ORC3: variants seen among roughly 807,000 people sequenced by gnomAD.
ORC3 encodes the protein homolog of latheo, Drosophila.
Under a neutral mutation model 100.7 loss-of-function variants are expected in ORC3, and 78 were observed. That is an observed-to-expected ratio of 0.77 (90% CI 0.65 to 0.94). The LOEUF is 0.94. Ranked by LOEUF, ORC3 falls within the 40% of genes least tolerant of loss-of-function variation. The pLI, the probability that ORC3 is intolerant of heterozygous loss-of-function variation, is 0.00. For synonymous variants in ORC3, 295 were observed against 289.3 expected (o/e 1.02, Z -0.20); for missense variants, 789 against 823.9 (o/e 0.96, Z 0.52).
chr6:87,599,309 T>G (rs959020213), intron 2 of ORC3, among the ~76,000 whole-genome samples: 5 of 152,110 alleles, frequency 3.3e-5, no homozygotes, highest in Non-Finnish European at 7.4e-5. Flanking sequence ...ACTATTTTTG[T>G]TCTTTTTAAA....
chr6:87,601,290 A>G (rs1450333601), intron 2 of ORC3, among the ~76,000 whole-genome samples: 1 of 152,228 alleles, frequency 6.6e-6, no homozygotes, highest in African/African-American at 2.4e-5. Flanking sequence ...TATGCCATAA[A>G]TATGGTAAAA....
At chr6:87,647,919 G>A (rs1221431758) in intron 13 of ORC3, among the ~76,000 whole-genome samples, 1 of 152,206 alleles carries the variant, frequency 6.6e-6, no homozygotes, top group Non-Finnish European at 1.5e-5. Context: ...AAAGTGCTTT[G>A]ATGGCCGCAG....
At chr6:87,632,258 A>G (rs1767483969) in intron 11 of ORC3, among the ~76,000 whole-genome samples, 2 of 152,376 alleles carry the variant, frequency 1.3e-5, no homozygotes, top group African/African-American at 4.8e-5. Flanking sequence ...CTTAGAGGAC[A>G]TGTTATAAGA....
At chr6:87,648,779 A>G (rs1221289354) in intron 13 of ORC3, among the ~76,000 whole-genome samples, 1 of 152,198 alleles carries the variant, frequency 6.6e-6, no homozygotes. Flanking sequence ...TCACTATATA[A>G]TATCATGTTT....
rs374777350 is a variant in ORC3, at chr6:87,664,198, G to C, written c.1834-545G>C. 9.9e-4 allele frequency among the ~76,000 whole-genome samples: 150 copies of C among 152,104 alleles called. 4 individuals are homozygous for C. The South Asian group carries it at 0.03, about 30-fold the overall frequency. On this transcript the variant is annotated intron_variant, in intron 17 of 19. Coordinates refer to ENST00000392844, the MANE Select transcript of ORC3 (RefSeq NM_012381.4). ...ATATTATAATATCAGAGCAGGGTGT[G>C]TATGTAAGACTTTGTGTTTCTCAGT...
At chr6:87,607,638 C>G in intron 5 of ORC3, 35 bp from the exon 6 acceptor site, 2 of 1,517,680 alleles carry the variant, frequency 1.3e-6, no homozygotes, top group South Asian at 1.3e-5. Context: ...TTAGAAGAGG[C>G]AGAGATAAGC....
intron 5 of ORC3, among the ~76,000 whole-genome samples, chr6:87,606,850 G>A (rs1322734065): frequency 6.6e-6 from 1 of 152,084 alleles, no homozygotes; most frequent in Non-Finnish European, 1.5e-5. Context: ...ACCATGCCTG[G>A]CCCTAATGTG....
downstream of ORC3, among the ~76,000 whole-genome samples, chr6:87,672,351 T>C (rs1436748038): frequency 2.0e-5 from 3 of 152,136 alleles, no homozygotes; most frequent in African/African-American, 7.2e-5. Context: ...TATTATGCTT[T>C]TGGAAATGAT....
downstream of ORC3, among the ~76,000 whole-genome samples, chr6:87,669,485 CATAGAAAGCAACTGGACAA>C (rs1403911108): frequency 2.0e-5 from 3 of 152,198 alleles, no homozygotes; most frequent in Admixed American, 1.3e-4. Flanking sequence ...CCACTACTAC[CATAGAAAGCAACTGGACAA>C]ATAGAAGCCT....
chr6:87,632,435 CCTT>C (rs1195458795), intron 11 of ORC3, among the ~76,000 whole-genome samples: 2 of 152,126 alleles, frequency 1.3e-5, no homozygotes, highest in African/African-American at 4.8e-5. Context: ...GTACAGCAAA[CCTT>C]CTCTCATTCG....
At position 87,597,678 on chromosome 6, in the gene ORC3, TATAC is replaced by T. The variant is rs759964889; in HGVS notation, c.79+3273_79+3276del. ...TTTTTTTTAAGTAATGATATATATA[TATAC>T]ACACACACACACACACACACACACA... On this transcript the variant is annotated intron_variant, in intron 2 of 19. Transcript: ENST00000392844. Among the ~76,000 whole-genome samples, 602 of 136,716 alleles carry T rather than the reference TATAC, an allele frequency of 4.4e-3. 3 individuals are homozygous for T. The highest frequency in any genetic ancestry group is 0.014 in the East Asian group (68 of 4,792). The allele number at this position is 136,716 out of a possible 152,430, so 89.7% of individuals were successfully genotyped here.
intron 2 of ORC3, among the ~76,000 whole-genome samples, chr6:87,594,911 G>A (rs1777321391): frequency 6.6e-6 from 1 of 152,138 alleles, no homozygotes; most frequent in African/African-American, 2.4e-5. Flanking sequence ...AATGAAAATT[G>A]TATAAAAATT....
At chr6:87,662,522 A>G (rs139276118) in intron 16 of ORC3, among the ~76,000 whole-genome samples, 1 of 152,322 alleles carries the variant, frequency 6.6e-6, no homozygotes, top group East Asian at 1.9e-4. Context: ...CTGTGATCCA[A>G]GAAGAATTTC....
chr6:87,644,992 G>A (rs1768643222), intron 13 of ORC3, among the ~76,000 whole-genome samples: 1 of 152,134 alleles, frequency 6.6e-6, no homozygotes, highest in African/African-American at 2.4e-5. Flanking sequence ...ATGACTTCCA[G>A]GTGCTTCCCA....
At chr6:87,593,463 T>A (rs983465028) in intron 1 of ORC3, among the ~76,000 whole-genome samples, 3 of 152,194 alleles carry the variant, frequency 2.0e-5, no homozygotes, top group Non-Finnish European at 4.4e-5. Context: ...TACTGAGAGA[T>A]CTCGAGGAAA....
At chr6:87,660,498 T>G (rs999327582) in intron 16 of ORC3, among the ~76,000 whole-genome samples, 13 of 152,162 alleles carry the variant, frequency 8.5e-5, no homozygotes, top group Non-Finnish European at 1.5e-4. Flanking sequence ...TGGGCAGAGC[T>G]TGGAGTTATG....
chr6:87,662,423 A>G (rs1770256785), intron 16 of ORC3, among the ~76,000 whole-genome samples: 1 of 151,868 alleles, frequency 6.6e-6, no homozygotes, highest in African/African-American at 2.4e-5. Flanking sequence ...CAAGAGTGAA[A>G]CTCCGTCTCA....
chr6:87,615,327 G>A (rs573646233), intron 8 of ORC3, among the ~76,000 whole-genome samples: 53 of 152,238 alleles, frequency 3.5e-4, no homozygotes, highest in Non-Finnish European at 7.5e-4. Flanking sequence ...GATTTGGGTG[G>A]GGACACAGCC....
At chr6:87,612,817 A>G (rs986639261) in intron 8 of ORC3, among the ~76,000 whole-genome samples, 15 of 152,188 alleles carry the variant, frequency 9.9e-5, no homozygotes, top group African/African-American at 3.6e-4. Context: ...CATATTGGCC[A>G]GGCTGGTCTG....
Sources: gnomAD v4.1 joint callset for allele counts (sites outside exome capture counted in the v4.1 genomes callset) on GRCh38, gnomAD v4.1.1 for gene constraint, MANE v1.5 for transcripts, NCBI Gene and HGNC (gene_info 2026-07-23, HGNC 2026-07-21) for gene names.